Variants in GNAS-AS1 observed in about 807,000 individuals in gnomAD.
The protein encoded by GNAS-AS1 is GNAS antisense RNA 1 (non-protein coding).
chr20:58,836,030 C>T (rs2145461692), intron 4 of GNAS-AS1, among the ~76,000 whole-genome samples: 1 of 152,248 alleles, frequency 6.6e-6, no homozygotes, highest in East Asian at 1.9e-4. Flanking sequence ...CACTGAGCCA[C>T]TTGCACTTTC....
At chr20:58,850,729 C>T (rs1490831983) in exon 1 of GNAS-AS1, 1 of 398,754 alleles carries the variant, frequency 2.5e-6, no homozygotes, top group Non-Finnish European at 4.4e-6. Context: ...AAGGGTTGGC[C>T]CCTGGGACCC....
intron 4 of GNAS-AS1, among the ~76,000 whole-genome samples, chr20:58,820,016 A>G (rs966397267): frequency 6.6e-6 from 1 of 152,190 alleles, no homozygotes; most frequent in South Asian, 2.1e-4. Flanking sequence ...CGGCCGTGCC[A>G]TCTAGTGGGG....
intron 4 of GNAS-AS1, among the ~76,000 whole-genome samples, chr20:58,826,495 G>T (rs1056523544): frequency 1.3e-5 from 2 of 152,160 alleles, no homozygotes; most frequent in South Asian, 4.1e-4. Context: ...GGGGAACAGG[G>T]ACCTGAATTT....
intron 2 of GNAS-AS1, among the ~76,000 whole-genome samples, chr20:58,848,117 G>A (rs1224510925): frequency 6.6e-6 from 1 of 152,244 alleles, no homozygotes; most frequent in African/African-American, 2.4e-5. Context: ...GCTTTCCTCA[G>A]ACATGCAGAG....
chr20:58,830,448 AC>A (rs1440077382), intron 4 of GNAS-AS1, among the ~76,000 whole-genome samples: 2 of 130,516 alleles, frequency 1.5e-5, no homozygotes, highest in African/African-American at 3.0e-5. Context: ...CATTACCACC[AC>A]CACCATCACC....
At chr20:58,843,243 C>G (rs996720144) in intron 2 of GNAS-AS1, 8 of 151,080 alleles carry the variant, frequency 5.3e-5, no homozygotes, top group African/African-American at 1.7e-4. Context: ...CCCCAGCTTC[C>G]CTCTTTACAC....
At chr20:58,844,074 G>T (rs1245896002) in intron 2 of GNAS-AS1, 1 of 152,116 alleles carries the variant, frequency 6.6e-6, no homozygotes, top group East Asian at 1.9e-4. Flanking sequence ...CTTCAGTGTT[G>T]GTAAGAATGA....
exon 2 of GNAS-AS1, chr20:58,848,898 C>T: frequency 7.5e-6 from 3 of 398,554 alleles, no homozygotes; most frequent in Non-Finnish European, 4.4e-6. Flanking sequence ...TTAGGTTTTT[C>T]AGAGTCTGGT....
chr20:58,824,637 G>A (rs147010084), intron 4 of GNAS-AS1, among the ~76,000 whole-genome samples: 24 of 152,214 alleles, frequency 1.6e-4, no homozygotes, highest in African/African-American at 5.1e-4. Flanking sequence ...AGCCCAACCC[G>A]AGAAAGAACA....
intron 4 of GNAS-AS1, among the ~76,000 whole-genome samples, chr20:58,822,029 A>C (rs1038544066): frequency 1.3e-5 from 2 of 152,092 alleles, no homozygotes; most frequent in African/African-American, 4.8e-5. Flanking sequence ...GGATGCACAG[A>C]CGTTAAGTGG....
chr20:58,832,843 A>G (rs1447419271), intron 4 of GNAS-AS1, among the ~76,000 whole-genome samples: 2 of 152,280 alleles, frequency 1.3e-5, no homozygotes, highest in African/African-American at 4.8e-5. Flanking sequence ...CCTCTCCTTA[A>G]GTATTTTCCA....
At chr20:58,839,410 A>C in intron 4 of GNAS-AS1, 2 of 399,470 alleles carry the variant, frequency 5.0e-6, no homozygotes, top group Non-Finnish European at 8.8e-6. Context: ...CTGGGTTTTT[A>C]GCTGCTCCCA....
chr20:58,832,602 T>C (rs571606264), intron 4 of GNAS-AS1, among the ~76,000 whole-genome samples: 2 of 152,288 alleles, frequency 1.3e-5, no homozygotes, highest in South Asian at 4.1e-4. Context: ...CACGCTAAGA[T>C]ACTGGGAAAA....
chr20:58,840,181 C>T lies in GNAS-AS1; in HGVS notation n.819+1756G>A. 6.2e-7 allele frequency: 1 copy of T among 1,611,448 alleles called. No homozygotes were observed. The highest frequency in any genetic ancestry group is 1.7e-5 in the Admixed American group (1 of 60,018). ...ACAACGACCTGTGCCCGCCCATAGG[C>T]CGCCGGGCAGCCACCGCGCTCCTCT... On this transcript the variant is annotated intron_variant and non_coding_transcript_variant, in intron 4 of 4. Transcript: ENST00000424094. This position sits in a 1 kb window ranked among gnomAD's most constrained non-coding sequence, Gnocchi z 6.0.
At position 58,840,418 on chromosome 20, in the gene GNAS-AS1, G is replaced by T; in HGVS notation, n.819+1519C>A. ...CCCTCCCCGAGTGCCTAGAGTACGA[G>T]GAAGAGTTCGACTACGAGACCGAGA... is the stretch of plus-strand genomic sequence containing the variant. On this transcript the variant is annotated intron_variant and non_coding_transcript_variant, in intron 4 of 4. Coordinates refer to ENST00000424094, the Ensembl canonical transcript of GNAS-AS1. This position sits in a 1 kb window ranked among gnomAD's most constrained non-coding sequence, Gnocchi z 6.0. 6.2e-7 allele frequency: 1 copy of T among 1,613,610 alleles called. No homozygotes were observed. The highest frequency in any genetic ancestry group is 8.5e-7 in the Non-Finnish European group (1 of 1,179,930).
At chr20:58,827,532 T>C (rs1288974011) in intron 4 of GNAS-AS1, among the ~76,000 whole-genome samples, 1 of 152,188 alleles carries the variant, frequency 6.6e-6, no homozygotes, top group African/African-American at 2.4e-5. Context: ...TACGACATGG[T>C]CAGCAGTGCA....
intron 1 of GNAS-AS1, among the ~76,000 whole-genome samples, chr20:58,849,901 G>A (rs1197554422): frequency 6.6e-6 from 1 of 152,122 alleles, no homozygotes; most frequent in African/African-American, 2.4e-5. Context: ...CTCACTTGCA[G>A]AACAAAAAAC....
intron 2 of GNAS-AS1, chr20:58,844,025 T>C (rs1272333094): frequency 6.6e-6 from 1 of 152,268 alleles, no homozygotes; most frequent in Non-Finnish European, 1.5e-5. Context: ...CTTCATTTTC[T>C]GCAGCTGTGT....
At chr20:58,823,144 C>T (rs958415287) in intron 4 of GNAS-AS1, among the ~76,000 whole-genome samples, 6 of 152,224 alleles carry the variant, frequency 3.9e-5, no homozygotes, top group African/African-American at 1.4e-4. Context: ...AATCCCCCTG[C>T]CCCTCCATCC....
Sources: gnomAD v4.1 joint callset for allele counts (sites outside exome capture counted in the v4.1 genomes callset) on GRCh38, gnomAD v4.1.1 for gene constraint, Gnocchi (gnomAD v3.1) non-coding constraint, MANE v1.5 for transcripts, NCBI Gene and HGNC (gene_info 2026-07-23, HGNC 2026-07-21) for gene names.